The following FOCAD variants were observed in gnomAD, a reference collection of about 807,000 sequenced individuals.
FOCAD encodes the protein KIAA1797.
A neutral mutation model predicts 225.6 loss-of-function variants in FOCAD; 198 were observed. The observed-to-expected ratio is 0.88, with a 90% CI of 0.78 to 0.99. The LOEUF (loss-of-function observed/expected upper bound fraction) is 0.99, where lower values mean the gene tolerates loss of function less well. Among genes scored for constraint, FOCAD ranks in the 50% least tolerant of loss-of-function variants. The pLI is 0.00. For synonymous variants in FOCAD, 897 were observed against 755.0 expected (o/e 1.19, Z -3.08); for missense variants, 2,713 against 2,123.6 (o/e 1.28, Z -5.46).
intron 35 of FOCAD, among the ~76,000 whole-genome samples, chr9:20,968,669 A>C (rs567330811): frequency 6.6e-6 from 1 of 151,780 alleles, no homozygotes; most frequent in East Asian, 1.9e-4. Context: ...GAACTCCTGA[A>C]GTCAGGTGAT....
At chr9:20,900,396 C>T (rs1449835048) in intron 21 of FOCAD, among the ~76,000 whole-genome samples, 1 of 151,820 alleles carries the variant, frequency 6.6e-6, no homozygotes, top group Non-Finnish European at 1.5e-5. Context: ...TTTAGTTCTA[C>T]ATTCTTTCTT....
At chr9:20,922,899 A>G (rs1424891290) in intron 24 of FOCAD, among the ~76,000 whole-genome samples, 1 of 152,212 alleles carries the variant, frequency 6.6e-6, no homozygotes, top group Non-Finnish European at 1.5e-5. Context: ...TATTAAATGT[A>G]CATTTTCAAG....
At chr9:20,914,700 T>C (rs1833732325) in intron 23 of FOCAD, among the ~76,000 whole-genome samples, 1 of 152,004 alleles carries the variant, frequency 6.6e-6, no homozygotes. Context: ...GATTGCAGGG[T>C]GGAGAGTCTT....
intron 21 of FOCAD, among the ~76,000 whole-genome samples, chr9:20,906,174 A>G (rs1347867649): frequency 1.3e-5 from 2 of 151,978 alleles, no homozygotes; most frequent in African/African-American, 4.8e-5. Context: ...GGCCATGGGA[A>G]CCAACTATAT....
rs374864662 is a variant in FOCAD, at chr9:20,884,799, C to T, written c.2504-310C>T. 9.2e-5 allele frequency among the ~76,000 whole-genome samples: 14 copies of T among 152,106 alleles called. 1 individual carries two copies. In the South Asian group the frequency reaches 2.7e-3, roughly 29 times the overall value. ...TTTGTAAGCTGGGCGCGGTGGCTCACACCTGTAATCCCAGCGCTTTGGGAG... is the reference window on the plus strand; with the variant it reads ...TTTGTAAGCTGGGCGCGGTGGCTCATACCTGTAATCCCAGCGCTTTGGGAG... On this transcript the variant is annotated intron_variant, in intron 20 of 43. Coordinates refer to ENST00000338382, the MANE Select transcript of FOCAD (RefSeq NM_001375567.1).
At chr9:20,850,148 T>C (rs1225385461) in intron 15 of FOCAD, among the ~76,000 whole-genome samples, 1 of 151,850 alleles carries the variant, frequency 6.6e-6, no homozygotes, top group African/African-American at 2.4e-5. Flanking sequence ...TCATAAGAAA[T>C]AAAAATAATT....
chr9:20,859,119 A>T (rs965203817), intron 15 of FOCAD, among the ~76,000 whole-genome samples: 1 of 152,184 alleles, frequency 6.6e-6, no homozygotes, highest in Non-Finnish European at 1.5e-5. Flanking sequence ...TCATGCCTGT[A>T]ATCCCAGCAC....
intron 35 of FOCAD, among the ~76,000 whole-genome samples, chr9:20,971,730 C>G (rs1038423925): frequency 2.6e-5 from 4 of 152,130 alleles, no homozygotes; most frequent in African/African-American, 9.7e-5. Context: ...AACTGAAACT[C>G]TAGCCATTAA....
At chr9:20,936,039 G>A (rs1241839174) in intron 28 of FOCAD, among the ~76,000 whole-genome samples, 1 of 152,216 alleles carries the variant, frequency 6.6e-6, no homozygotes, top group East Asian at 1.9e-4. Context: ...TGTGACTTGT[G>A]TAGGTGAATA....
chr9:20,722,108 T>C (rs573227724), intron 4 of FOCAD, among the ~76,000 whole-genome samples: 9 of 149,158 alleles, frequency 6.0e-5, no homozygotes, highest in African/African-American at 9.9e-5. Context: ...CTGGGCATTA[T>C]TGTAGCTCAC....
At chr9:20,983,019 G>A (rs533598981) in intron 39 of FOCAD, among the ~76,000 whole-genome samples, 2 of 152,150 alleles carry the variant, frequency 1.3e-5, no homozygotes, top group African/African-American at 2.4e-5. Flanking sequence ...GGTGGACTTC[G>A]TGTCATTTAT....
intron 2 of FOCAD, among the ~76,000 whole-genome samples, chr9:20,666,392 A>G (rs2891148): frequency 0.055 from 8,386 of 152,138 alleles, 374 homozygotes; most frequent in East Asian, 0.23. Flanking sequence ...CAACACGACA[A>G]AATCCCATCT....
chr9:20,771,646 T>C (rs1451111857), intron 8 of FOCAD, among the ~76,000 whole-genome samples: 1 of 152,160 alleles, frequency 6.6e-6, no homozygotes, highest in African/African-American at 2.4e-5. Context: ...TGTAATCTAC[T>C]CATGATGCTG....
At chr9:20,688,106 C>G (rs141400853) in intron 1 of FOCAD, among the ~76,000 whole-genome samples, 27 of 152,292 alleles carry the variant, frequency 1.8e-4, no homozygotes, top group Non-Finnish European at 3.2e-4. Flanking sequence ...AATGAAAGTT[C>G]TCTTCCACAC....
chr9:20,686,971 C>T (rs1301516062), intron 1 of FOCAD, among the ~76,000 whole-genome samples: 1 of 151,682 alleles, frequency 6.6e-6, no homozygotes, highest in East Asian at 1.9e-4. Flanking sequence ...GTTTTTGTAA[C>T]CCTCTAAGTA....
At chr9:20,768,823 C>G (rs961883820) in intron 7 of FOCAD, among the ~76,000 whole-genome samples, 1 of 151,926 alleles carries the variant, frequency 6.6e-6, no homozygotes, top group African/African-American at 2.4e-5. Flanking sequence ...CTCTTGTCAC[C>G]TCACATATTA....
In FOCAD at chr9:20,691,940, A is replaced by G. The variant is rs188065793; in HGVS notation, c.-33+7647A>G. Among the ~76,000 whole-genome samples, 555 of 152,044 alleles carry G rather than the reference A, an allele frequency of 3.7e-3. 3 individuals are homozygous for G. Among genetic ancestry groups the G allele is most frequent in the African/African-American group, 0.013 (524 of 41,474 alleles). The stretch of plus-strand genomic sequence containing the variant: ...AGGTGCGCACTACCACACCAGGCTA[A>G]TTTTTTTATTTTTAGTAGAGACGTT... On this transcript the variant is annotated intron_variant, in intron 1 of 43. Coordinates refer to ENST00000338382, the MANE Select transcript of FOCAD (RefSeq NM_001375567.1).
intron 7 of FOCAD, among the ~76,000 whole-genome samples, chr9:20,768,256 G>T (rs569636065): frequency 6.6e-6 from 1 of 150,596 alleles, no homozygotes; most frequent in African/African-American, 2.4e-5. Context: ...AAGTCAGGTA[G>T]TGTGATGCCT....
chr9:20,872,982 A>G (rs1229504890), intron 18 of FOCAD: 1 of 152,090 alleles, frequency 6.6e-6, no homozygotes, highest in Non-Finnish European at 1.5e-5. Context: ...CATGTGTAGC[A>G]TGTATTTGTA....
Sources: gnomAD v4.1 joint callset for allele counts (sites outside exome capture counted in the v4.1 genomes callset) on GRCh38, gnomAD v4.1.1 for gene constraint, MANE v1.5 for transcripts, NCBI Gene and HGNC (gene_info 2026-07-23, HGNC 2026-07-21) for gene names.